SDHAF3: variants seen among roughly 807,000 people sequenced by gnomAD.
The protein encoded by SDHAF3 is succinate dehydrogenase complex assembly factor 3.
SDHAF3 carries 18 observed loss-of-function variants against 11.5 expected under a neutral mutation model. The ratio of observed to expected loss-of-function variants is 1.56; its 90% CI spans 1.08 to 2.32. The LOEUF (loss-of-function observed/expected upper bound fraction) is 2.32. SDHAF3 is among the 30% of genes most tolerant of loss of function. The pLI, the probability that SDHAF3 is intolerant of heterozygous loss-of-function variation, is 0.00. For synonymous variants in SDHAF3, 72 were observed against 59.3 expected (o/e 1.21, Z -0.99); for missense variants, 200 against 154.4 (o/e 1.30, Z -1.57).
At chr7:97,131,442 A>G (rs921658703) in intron 1 of SDHAF3, among the ~76,000 whole-genome samples, 1 of 152,208 alleles carries the variant, frequency 6.6e-6, no homozygotes, top group Non-Finnish European at 1.5e-5. Context: ...TGAGATGAGA[A>G]TGGAAATTGC....
chr7:97,120,960 G>A (rs916489072), intron 1 of SDHAF3, among the ~76,000 whole-genome samples: 16 of 152,124 alleles, frequency 1.1e-4, no homozygotes, highest in African/African-American at 2.9e-4. Flanking sequence ...CAACGTGGAA[G>A]GAAAGTATTT....
chr7:97,134,191 C>T (rs893108967), intron 1 of SDHAF3, among the ~76,000 whole-genome samples: 4 of 152,214 alleles, frequency 2.6e-5, no homozygotes, highest in African/African-American at 9.7e-5. Flanking sequence ...TGGCTGCCAC[C>T]TGCAGCCTCA....
chr7:97,117,825 C>T lies in SDHAF3; in HGVS notation c.102C>T (p.Tyr34=). ...ACCTCAAATCCCTGGGCGACCAGTA[C>T]GTGAAAGACGAATTTAGGAGACATA... The part of the protein sequence containing the change: ...PPDLKSLGDQ[Y]VKDEFRRHKT... The change falls in exon 1 of 2, where the codon TAC becomes TAT. Residue 34 remains tyrosine, a synonymous_variant. Transcript: ENST00000432641. The T allele has an allele frequency of 9.9e-6, 16 of 1,614,170 alleles. No homozygotes were observed. The highest frequency in any genetic ancestry group is 1.4e-5 in the Non-Finnish European group (16 of 1,180,034).
intron 1 of SDHAF3, among the ~76,000 whole-genome samples, chr7:97,173,185 G>C (rs1289206720): frequency 1.3e-5 from 2 of 152,224 alleles, no homozygotes; most frequent in Admixed American, 1.3e-4. Context: ...TACCTGGGAA[G>C]CTTTGTTGAG....
At chr7:97,123,778 G>A (rs1791533874) in intron 1 of SDHAF3, among the ~76,000 whole-genome samples, 1 of 145,308 alleles carries the variant, frequency 6.9e-6, no homozygotes, top group Non-Finnish European at 1.5e-5. Flanking sequence ...TTTGTTTACT[G>A]CATAAATGTC....
At chr7:97,170,979 T>G (rs1789594622) in intron 1 of SDHAF3, among the ~76,000 whole-genome samples, 1 of 152,178 alleles carries the variant, frequency 6.6e-6, no homozygotes, top group Non-Finnish European at 1.5e-5. Context: ...GAAACCAAAT[T>G]TATTATCATT....
chr7:97,168,311 T>C (rs1220408401), intron 1 of SDHAF3, among the ~76,000 whole-genome samples: 1 of 152,206 alleles, frequency 6.6e-6, no homozygotes, highest in African/African-American at 2.4e-5. Flanking sequence ...GGTCAGAATC[T>C]TGTAGCCTCC....
chr7:97,145,265 C>A (rs558961596), intron 1 of SDHAF3, among the ~76,000 whole-genome samples: 1 of 152,014 alleles, frequency 6.6e-6, no homozygotes, highest in Non-Finnish European at 1.5e-5. Context: ...GCAGAAGATA[C>A]TTATGTCTGG....
At chr7:97,144,196 T>A (rs1192405332) in intron 1 of SDHAF3, among the ~76,000 whole-genome samples, 1 of 152,220 alleles carries the variant, frequency 6.6e-6, no homozygotes. Context: ...GTTTTTTTCT[T>A]ACTGATTTGT....
intron 1 of SDHAF3, among the ~76,000 whole-genome samples, chr7:97,125,947 T>C (rs934866990): frequency 2.0e-5 from 3 of 152,248 alleles, no homozygotes; most frequent in African/African-American, 7.2e-5. Context: ...ATTTTTGTGC[T>C]GGTGTTTCCT....
chr7:97,155,318 G>A (rs1272709968), intron 1 of SDHAF3, among the ~76,000 whole-genome samples: 1 of 152,164 alleles, frequency 6.6e-6, no homozygotes, highest in Non-Finnish European at 1.5e-5. Context: ...TGTTTCAAGT[G>A]CTCAGTAGTC....
chr7:97,141,214 A>C (rs533811673), intron 1 of SDHAF3, among the ~76,000 whole-genome samples: 1 of 152,300 alleles, frequency 6.6e-6, no homozygotes, highest in South Asian at 2.1e-4. Context: ...TATCAATGAC[A>C]ATGCGTGCCG....
chr7:97,137,267 G>T (rs1788941277), intron 1 of SDHAF3, among the ~76,000 whole-genome samples: 1 of 152,104 alleles, frequency 6.6e-6, no homozygotes, highest in Non-Finnish European at 1.5e-5. Flanking sequence ...TGATAACTGA[G>T]GAGGGAGTCT....
chr7:97,133,239 A>G (rs1424380187), intron 1 of SDHAF3, among the ~76,000 whole-genome samples: 1 of 152,332 alleles, frequency 6.6e-6, no homozygotes, highest in Non-Finnish European at 1.5e-5. Context: ...TGGAGTAAAT[A>G]AAGACTTTAT....
At chr7:97,139,171 C>A (rs191797640) in intron 1 of SDHAF3, among the ~76,000 whole-genome samples, 200 of 152,322 alleles carry the variant, frequency 1.3e-3, no homozygotes, top group African/African-American at 4.6e-3. Context: ...GAGTTCTTGT[C>A]CTGTGTCCAA....
intron 1 of SDHAF3, among the ~76,000 whole-genome samples, chr7:97,144,179 ATTGT>A (rs1789102070): frequency 6.7e-6 from 1 of 149,070 alleles, no homozygotes; most frequent in African/African-American, 2.5e-5. Flanking sequence ...TTTTGATGGG[ATTGT>A]TTGTTTTTTT....
intron 1 of SDHAF3, among the ~76,000 whole-genome samples, chr7:97,161,679 TGTG>T (rs1737426136): frequency 6.6e-6 from 1 of 152,038 alleles, no homozygotes; most frequent in Non-Finnish European, 1.5e-5. Flanking sequence ...AGTGAGAACA[TGTG>T]GTGTTTGGTT....
At chr7:97,164,732 G>A (rs942193006) in intron 1 of SDHAF3, among the ~76,000 whole-genome samples, 5 of 152,150 alleles carry the variant, frequency 3.3e-5, no homozygotes, top group East Asian at 3.9e-4. Flanking sequence ...CTTGAGTTGC[G>A]TGAATTCATC....
chr7:97,131,430 AATGAG>A (rs1791670706), intron 1 of SDHAF3, among the ~76,000 whole-genome samples: 1 of 152,214 alleles, frequency 6.6e-6, no homozygotes, highest in African/African-American at 2.4e-5. Context: ...TGTTTTCAGT[AATGAG>A]ATGAGAATGG....
Sources: allele counts gnomAD v4.1 joint callset (sites outside exome capture counted in the v4.1 genomes callset), GRCh38; gene constraint gnomAD v4.1.1; transcripts MANE v1.5; gene names NCBI Gene and HGNC (gene_info 2026-07-23, HGNC 2026-07-21).